The following SS18L2 variants were observed in gnomAD, a reference collection of about 807,000 sequenced individuals.
SS18L2 encodes the protein SS18-like protein 2.
Under a neutral mutation model 10.3 loss-of-function variants are expected in SS18L2, and 8 were observed. The observed-to-expected ratio is 0.78, with a 90% CI of 0.46 to 1.41. The LOEUF (loss-of-function observed/expected upper bound fraction) is 1.41. SS18L2 is among the 40% of genes most tolerant of loss of function. The pLI, the probability that SS18L2 is intolerant of heterozygous loss-of-function variation, is 0.00. For synonymous variants in SS18L2, 41 were observed against 34.6 expected (o/e 1.19, Z -0.65); for missense variants, 100 against 96.2 (o/e 1.04, Z -0.17).
chr3:42,591,555 T>A lies in SS18L2; in HGVS notation c.100T>A (p.Cys34Ser). 6.2e-7 allele frequency: 1 copy of A among 1,614,008 alleles called. No homozygotes were observed. Among genetic ancestry groups the A allele is most frequent in the South Asian group, 1.1e-5 (1 of 91,084 alleles). The change falls in exon 2 of 3, where the codon TGT (cysteine) becomes AGT (serine). Residue 34 changes from cysteine to serine, a missense_variant. Coordinates refer to ENST00000011691, the MANE Select transcript of SS18L2 (RefSeq NM_001370300.1). ...TGAGGAGAATGACCAGCTGATCCGC[T>A]GTATTGTGGAGTATCAGAACAAGGG... ...LLEENDQLIR[C>S]IVEYQNKGRG...
At chr3:42,591,201 C>CCTTTT in intron 1 of SS18L2, 2 of 487,886 alleles carry the variant, frequency 4.1e-6, no homozygotes, top group South Asian at 2.5e-5. Context: ...CCTTTCTCTC[C>CCTTTT]TTTTTTTTTT....
Position 42,590,891 on chromosome 3 carries a change from C to T in SS18L2, c.-7C>T, listed in dbSNP as rs371799069. On this transcript the variant is annotated 5_prime_UTR_variant, in exon 1 of 3. Coordinates refer to ENST00000011691, the MANE Select transcript of SS18L2 (RefSeq NM_001370300.1). The stretch of plus-strand genomic sequence containing the variant: ...CTTGGCGGTCGTGGTTCCGGAGGTT[C>T]CTCGGGATGTCGGTGGCCTTCGTAC... 41 of 1,591,192 alleles carry T rather than the reference C, an allele frequency of 2.6e-5. No homozygotes were observed. Among genetic ancestry groups the T allele is most frequent in the Non-Finnish European group, 3.4e-5 (40 of 1,165,940 alleles).
upstream of SS18L2, among the ~76,000 whole-genome samples, chr3:42,590,325 C>A (rs1704774803): frequency 6.6e-6 from 1 of 152,164 alleles, no homozygotes; most frequent in Non-Finnish European, 1.5e-5. Flanking sequence ...GGGTGCCAGA[C>A]ACGCTGGGTG....
intron 2 of SS18L2, among the ~76,000 whole-genome samples, 190 bp downstream of exon 2, chr3:42,591,791 A>G (rs1311542594): frequency 6.6e-6 from 1 of 152,188 alleles, no homozygotes; most frequent in African/African-American, 2.4e-5. Flanking sequence ...CGGAGCCTGG[A>G]GTCAGACGTG....
upstream of SS18L2, among the ~76,000 whole-genome samples, chr3:42,586,669 T>A (rs930844115): frequency 3.9e-4 from 60 of 152,090 alleles, no homozygotes; most frequent in African/African-American, 1.4e-3. Context: ...TCAGTCTCCA[T>A]TGCAGCTTCT....
At position 42,594,443 on chromosome 3, in the gene SS18L2, AAATCTCATTTATTTG is replaced by A; in HGVS notation, c.169_183del (p.Asn57_Leu61del). Reference sequence around the variant, plus strand: ...ATAGGTACCAGCATGTGTTACATAGAAATCTCATTTATTTGGCTACCATTGCAGATGCCAGTCCAA... The same window carrying A: ...ATAGGTACCAGCATGTGTTACATAGAGCTACCATTGCAGATGCCAGTCCAA... On this transcript the variant is annotated inframe_deletion, in exon 3 of 3. Coordinates refer to ENST00000011691, the MANE Select transcript of SS18L2 (RefSeq NM_001370300.1). The A allele has an allele frequency of 6.2e-7, 1 of 1,613,954 alleles. No homozygotes were observed. The highest frequency in any genetic ancestry group is 8.5e-7 in the Non-Finnish European group (1 of 1,179,860).
upstream of SS18L2, among the ~76,000 whole-genome samples, chr3:42,588,915 C>T (rs764147835): frequency 5.2e-4 from 79 of 152,130 alleles, no homozygotes; most frequent in African/African-American, 1.6e-3. Flanking sequence ...GCCCTGAGTC[C>T]GCCCCAGCTC....
intron 2 of SS18L2, among the ~76,000 whole-genome samples, chr3:42,593,139 T>G (rs1222811166): frequency 2.0e-5 from 3 of 152,118 alleles, no homozygotes; most frequent in Non-Finnish European, 4.4e-5. Context: ...TGGTGGCTCA[T>G]CCCTGTAATC....
chr3:42,583,723 C>T (rs614324), intron 1 of SS18L2, among the ~76,000 whole-genome samples: 68,790 of 151,584 alleles, frequency 0.45, 18,267 homozygotes, highest in African/African-American at 0.74. Flanking sequence ...GCAGGCACCA[C>T]ATAATAGAAC....
In SS18L2 at chr3:42,595,477, T is replaced by C. The variant is rs1442157705; in HGVS notation, c.*968T>C. ...TTTTTAGCAGGAATATATTAGAAGG[T>C]GATAAGTACTTGCTTTTGCATCACA... On this transcript the variant is annotated 3_prime_UTR_variant, in exon 3 of 3. Transcript: ENST00000011691. Among the ~76,000 whole-genome samples the C allele has an allele frequency of 6.6e-6, 1 of 152,186 alleles. No homozygotes were observed. Among genetic ancestry groups the C allele is most frequent in the Admixed American group, 6.5e-5 (1 of 15,270 alleles).
chr3:42,583,801 A>C (rs1319766693), intron 1 of SS18L2, among the ~76,000 whole-genome samples: 2 of 152,216 alleles, frequency 1.3e-5, no homozygotes, highest in Non-Finnish European at 2.9e-5. Context: ...CCTTGGCATC[A>C]GAATTCCCCG....
intron 2 of SS18L2, among the ~76,000 whole-genome samples, chr3:42,592,269 C>T (rs146932390): frequency 1.3e-5 from 2 of 151,776 alleles, no homozygotes; most frequent in Admixed American, 6.6e-5. Context: ...GGTGCAATCT[C>T]GGCTCACTGC....
chr3:42,587,147 G>A (rs1052147405), upstream of SS18L2, among the ~76,000 whole-genome samples: 1 of 152,070 alleles, frequency 6.6e-6, no homozygotes, highest in South Asian at 2.1e-4. Context: ...TCATCTGGGC[G>A]TCTTCCCTAA....
At position 42,594,383 on chromosome 3, in the gene SS18L2, A is replaced by T. The variant is rs369498589; in HGVS notation, c.147-39A>T. The T allele has an allele frequency of 1.4e-5, 21 of 1,553,188 alleles. No individual in the cohort carries two copies. In the East Asian group the frequency reaches 1.8e-4, roughly 13 times the overall value. On this transcript the variant is annotated intron_variant, in intron 2 of 2. Transcript: ENST00000011691. ...CCAGTTTTTTGTTCATGGTCGGTAAAAACAAGCCTCTGATTTTTGCCTGTT... is the reference window on the plus strand; with the variant it reads ...CCAGTTTTTTGTTCATGGTCGGTAATAACAAGCCTCTGATTTTTGCCTGTT...
At chr3:42,591,798 C>T (rs944043822) in intron 2 of SS18L2, among the ~76,000 whole-genome samples, 197 bp downstream of exon 2, 1 of 152,182 alleles carries the variant, frequency 6.6e-6, no homozygotes, top group Non-Finnish European at 1.5e-5. Context: ...TGGAGTCAGA[C>T]GTGGCTCTTT....
chr3:42,590,987 G>A, intron 1 of SS18L2, 21 bp downstream of exon 1: 1 of 1,550,988 alleles, frequency 6.4e-7, no homozygotes, highest in Non-Finnish European at 8.7e-7. Flanking sequence ...ACGCGGGCGG[G>A]CGGGCGGGCG....
intron 1 of SS18L2, 110 bp downstream of exon 1, chr3:42,591,076 G>T: frequency 8.0e-7 from 1 of 1,254,002 alleles, no homozygotes; most frequent in South Asian, 1.3e-5. Context: ...GACTGTGAAG[G>T]GTGCTGAGCA....
At chr3:42,593,958 G>A (rs1315934269) in intron 2 of SS18L2, among the ~76,000 whole-genome samples, 2 of 152,176 alleles carry the variant, frequency 1.3e-5, no homozygotes, top group African/African-American at 4.8e-5. Context: ...AGTATTCAGT[G>A]AACAAAGGTA....
At chr3:42,590,747 G>C (rs1229448477), upstream of SS18L2, 1 of 824,684 alleles carries the variant, frequency 1.2e-6, no homozygotes, top group African/African-American at 1.7e-5. Context: ...CGAGGAAAGC[G>C]CTGAGTATAG....
Sources: allele counts gnomAD v4.1 joint callset (sites outside exome capture counted in the v4.1 genomes callset), GRCh38; gene constraint gnomAD v4.1.1; transcripts MANE v1.5; gene names NCBI Gene and HGNC (gene_info 2026-07-23, HGNC 2026-07-21).